Variants in ZNF268 observed in about 807,000 individuals in gnomAD.
ZNF268 encodes the protein zinc finger protein 3.
Under a neutral mutation model 29.3 loss-of-function variants are expected in ZNF268, and 20 were observed. The observed-to-expected ratio is 0.68, with a 90% CI of 0.48 to 0.99. ZNF268 has a LOEUF of 0.99. Ranked by LOEUF, ZNF268 falls within the 50% of genes least tolerant of loss-of-function variation. The pLI, the probability that ZNF268 is intolerant of heterozygous loss-of-function variation, is 0.00. For synonymous variants in ZNF268, 429 were observed against 376.9 expected (o/e 1.14, Z -1.60); for missense variants, 1,240 against 1,121.6 (o/e 1.11, Z -1.51).
At chr12:133,196,312 C>T (rs1024093491) in intron 5 of ZNF268, among the ~76,000 whole-genome samples, 3 of 121,340 alleles carry the variant, frequency 2.5e-5, no homozygotes, top group African/African-American at 1.1e-4. Flanking sequence ...CAGAGTGAGA[C>T]TCCATCTAAA....
intron 3 of ZNF268, among the ~76,000 whole-genome samples, chr12:133,189,374 C>A (rs1214095149): frequency 6.6e-6 from 1 of 151,906 alleles, no homozygotes; most frequent in Non-Finnish European, 1.5e-5. Flanking sequence ...ACTACCATAC[C>A]CGGCTAATTT....
intron 3 of ZNF268, among the ~76,000 whole-genome samples, chr12:133,189,327 A>C (rs867374986): frequency 2.0e-5 from 3 of 148,254 alleles, no homozygotes; most frequent in Non-Finnish European, 3.0e-5. Context: ...CAGTTCTCCT[A>C]CCTCAGCCTC....
Position 133,191,909 on chromosome 12 carries a change from G to A in ZNF268, c.363G>A (p.Gly121=). The stretch of plus-strand genomic sequence containing the variant: ...TGTCTGTGATTTTTCTATTTATAGG[G>A]TACCAACACACCAAACCTGATATCA... ...LENYSNLVSL[G]YQHTKPDIIF... The change falls in exon 5 of 6, where the codon GGG becomes GGA. Residue 121 remains glycine (G), a splice_region_variant and synonymous_variant. Coordinates refer to ENST00000536435, the MANE Select transcript of ZNF268 (RefSeq NM_003415.3). 1 of 1,613,864 alleles carries A rather than the reference G, an allele frequency of 6.2e-7. No individual in the cohort carries two copies. The highest frequency in any genetic ancestry group is 1.1e-5 in the South Asian group (1 of 91,082).
chr12:133,212,610 G>A lies in ZNF268; in HGVS notation c.*8080G>A, dbSNP rs1460535845. The A allele has an allele frequency of 1.3e-5, 2 of 151,242 alleles. No homozygotes were observed. Among genetic ancestry groups the A allele is most frequent in the Non-Finnish European group, 2.9e-5 (2 of 67,880 alleles). The allele number at this position is 151,242 out of a possible 1,614,324, so 9.4% of individuals were successfully genotyped here. On this transcript the variant is annotated 3_prime_UTR_variant, in exon 6 of 6. Coordinates refer to ENST00000536435, the MANE Select transcript of ZNF268 (RefSeq NM_003415.3). ...TTTACCATTTTAACTATTTTTAAGT[G>A]TACACTTCAGTGGCATGAAGTACAT...
At chr12:133,200,752 G>A (rs78082697) in intron 5 of ZNF268, among the ~76,000 whole-genome samples, 2,479 of 152,048 alleles carry the variant, frequency 0.016, 23 homozygotes, top group Non-Finnish European at 0.027. Flanking sequence ...TCTTTTCCAT[G>A]CCTGCTAGAG....
chr12:133,207,388 C>A lies in ZNF268; in HGVS notation c.*2858C>A, dbSNP rs1045664013. On this transcript the variant is annotated 3_prime_UTR_variant, in exon 6 of 6. Transcript: ENST00000536435. ...TTAAAAATTCTAAATGGAATTATAG[C>A]AAACCAATGTATAGCTAACAAGAAA... The A allele has an allele frequency of 6.6e-6, 1 of 152,148 alleles. No homozygotes were observed. The highest frequency in any genetic ancestry group is 1.5e-5 in the Non-Finnish European group (1 of 68,026). 9.4% of individuals were successfully genotyped at this position (152,148 alleles called of 1,614,324 possible).
intron 3 of ZNF268, among the ~76,000 whole-genome samples, chr12:133,190,352 T>G (rs1324351383): frequency 6.6e-6 from 1 of 152,166 alleles, no homozygotes; most frequent in Non-Finnish European, 1.5e-5. Context: ...GTAAGACTGT[T>G]TAGATTTGTA....
At position 133,204,421 on chromosome 12, in the gene ZNF268, G is replaced by A. The variant is rs750242156; in HGVS notation, c.2735G>A (p.Arg912Lys). Residue 912 changes from arginine (R) to lysine (K), a missense_variant, in exon 6 of 6, where the codon AGA (arginine) becomes AAA (lysine). Physicochemically the swap from Arg to Lys is conservative, Grantham distance 26. This residue lies in a region of ZNF268 where 1,177 missense variants were observed against 1,039.6 expected (regional missense o/e 1.13). Coordinates refer to ENST00000536435, the MANE Select transcript of ZNF268 (RefSeq NM_003415.3). ...AAATCAATTCTCAGTGCACATCAGA[G>A]AACACATACAGGAGAGAAGCCTTGT... ...SQKSILSAHQ[R>K]THTGEKPCKC... is the part of the protein sequence containing the mutation. The A allele has an allele frequency of 6.4e-7, 1 of 1,567,828 alleles. No homozygotes were observed. The highest frequency in any genetic ancestry group is 1.4e-5 in the African/African-American group (1 of 73,956).
chr12:133,205,506 C>T lies in ZNF268; in HGVS notation c.*976C>T, dbSNP rs569618592. 6.6e-6 allele frequency: 1 copy of T among 152,216 alleles called. No homozygotes were observed. The highest frequency in any genetic ancestry group is 1.9e-4 in the East Asian group (1 of 5,182). 9.4% of individuals were successfully genotyped at this position (152,216 alleles called of 1,614,324 possible). On this transcript the variant is annotated 3_prime_UTR_variant, in exon 6 of 6. Transcript: ENST00000536435. ...GAGATTTCAGTATCTCTGATACTGA[C>T]AATATCTCTGATATGACAATATCAT... is the stretch of plus-strand genomic sequence containing the variant.
intron 2 of ZNF268, among the ~76,000 whole-genome samples, chr12:133,186,907 C>T (rs1956333071): frequency 6.6e-6 from 1 of 152,178 alleles, no homozygotes; most frequent in African/African-American, 2.4e-5. Flanking sequence ...TTTTTTGTAA[C>T]ACAAAAGCTA....
rs1956953053 is a variant in ZNF268, at chr12:133,209,820, T to A, written c.*5290T>A. On this transcript the variant is annotated 3_prime_UTR_variant, in exon 6 of 6. Transcript: ENST00000536435. Reference sequence around the variant, plus strand: ...AGAGTGAGACTCCTTCAAAAAAAATTAATAAAAGCAAGCACATAGGGTGCA... The same window carrying A: ...AGAGTGAGACTCCTTCAAAAAAAATAAATAAAAGCAAGCACATAGGGTGCA... The A allele has an allele frequency of 6.6e-6, 1 of 152,112 alleles. No homozygotes were observed. The highest frequency in any genetic ancestry group is 2.4e-5 in the African/African-American group (1 of 41,442). The allele number at this position is 152,112 out of a possible 1,614,324, so 9.4% of individuals were successfully genotyped here. A position where few individuals can be genotyped will look rare whatever the true frequency, so the allele number is the denominator to read the frequency against.
chr12:133,202,393 A>G lies in ZNF268; in HGVS notation c.707A>G (p.His236Arg). The G allele has an allele frequency of 3.7e-6, 6 of 1,611,344 alleles. No individual in the cohort carries two copies. Among genetic ancestry groups the G allele is most frequent in the African/African-American group, 2.7e-5 (2 of 74,980 alleles). The part of the protein sequence containing the change: ...GFQVHGKSFF[H>R]SKHEQTVIGI... ...CAGGTACATGGAAAATCATTCTTCC[A>G]TTCTAAACATGAGCAAACTGTTATT... Residue 236 changes from histidine (H) to arginine (R), a missense_variant, in exon 6 of 6, where the codon CAT (histidine) becomes CGT (arginine). His to Arg is a conservative substitution (Grantham distance 29). Coordinates refer to ENST00000536435, the MANE Select transcript of ZNF268 (RefSeq NM_003415.3).
At chr12:133,186,790 G>T (rs867440397) in intron 2 of ZNF268, among the ~76,000 whole-genome samples, 8 of 152,142 alleles carry the variant, frequency 5.3e-5, no homozygotes, top group Admixed American at 1.3e-4. Flanking sequence ...CATAAACCTT[G>T]AAAGCATTAT....
intron 5 of ZNF268, among the ~76,000 whole-genome samples, chr12:133,201,225 A>C (rs539283197): frequency 1.6e-3 from 249 of 152,146 alleles, no homozygotes; most frequent in African/African-American, 5.6e-3. Context: ...CTTTCAGCCA[A>C]ATTATTAATT....
At chr12:133,189,960 A>C (rs1251623226) in intron 3 of ZNF268, among the ~76,000 whole-genome samples, 1 of 151,728 alleles carries the variant, frequency 6.6e-6, no homozygotes, top group African/African-American at 2.4e-5. Context: ...GGCATGTGCC[A>C]CCATGCCCGG....
chr12:133,204,435 G>T lies in ZNF268; in HGVS notation c.2749G>T (p.Glu917Ter). ...TGCACATCAGAGAACACATACAGGA[G>T]AGAAGCCTTGTAAGTGCACTGAATG... ...LSAHQRTHTG[E>*]KPCKCTECGK... The change falls in exon 6 of 6, where the codon GAG becomes TAG. Residue 917 changes from glutamate to a stop codon, truncating the protein, a stop_gained. Transcript: ENST00000536435. LOFTEE classifies it high-confidence loss of function. 6.4e-7 allele frequency: 1 copy of T among 1,564,420 alleles called. No individual in the cohort carries two copies. Among genetic ancestry groups the T allele is most frequent in the South Asian group, 1.2e-5 (1 of 86,218 alleles).
chr12:133,202,735 A>C lies in ZNF268; in HGVS notation c.1049A>C (p.His350Pro). The C allele has an allele frequency of 6.2e-7, 1 of 1,612,082 alleles. No individual in the cohort carries two copies. The highest frequency in any genetic ancestry group is 8.5e-7 in the Non-Finnish European group (1 of 1,179,280). ...TFSFHSQLVI[H>P]QRIHTGENPY... ...AGTTTCCATTCACAGCTTGTTATAC[A>C]TCAGAGAATTCACACAGGTGAGAAT... The change falls in exon 6 of 6, where the codon CAT becomes CCT. Residue 350 changes from histidine (H) to proline (P), a missense_variant. Transcript: ENST00000536435.
intron 2 of ZNF268, among the ~76,000 whole-genome samples, chr12:133,185,069 A>G (rs1237879163): frequency 6.6e-6 from 1 of 151,674 alleles, no homozygotes; most frequent in Non-Finnish European, 1.5e-5. Context: ...CTGTAATCCC[A>G]GCTACACGGG....
At chr12:133,193,110 C>G (rs561698450) in intron 5 of ZNF268, among the ~76,000 whole-genome samples, 105 of 152,306 alleles carry the variant, frequency 6.9e-4, no homozygotes, top group African/African-American at 2.4e-3. Context: ...CTGGGCTTCT[C>G]TTGCTCTTCT....
Sources: allele counts gnomAD v4.1 joint callset (sites outside exome capture counted in the v4.1 genomes callset), GRCh38; gene constraint gnomAD v4.1.1; regional missense constraint gnomAD v4.1.1; transcripts MANE v1.5; gene names NCBI Gene and HGNC (gene_info 2026-07-23, HGNC 2026-07-21).